Variants in PCDH7 observed in about 807,000 individuals in gnomAD.
PCDH7 encodes protocadherin 7.
Under a neutral mutation model 58.9 loss-of-function variants are expected in PCDH7, and 17 were observed. That is an observed-to-expected ratio of 0.29 (90% CI 0.20 to 0.43). The LOEUF (loss-of-function observed/expected upper bound fraction) is 0.43, where lower values mean the gene tolerates loss of function less well. PCDH7 is among the 20% of genes least tolerant of loss of function. PCDH7 has a pLI of 1.00. For missense variants in PCDH7, 1,274 were observed against 1,441.0 expected, an observed-to-expected ratio of 0.88 and a Z score of 1.88; for synonymous variants, 664 against 616.4, an observed-to-expected ratio of 1.08 and a Z score of -1.14.
intron 1 of PCDH7, among the ~76,000 whole-genome samples, chr4:30,796,090 C>A (rs1157971022): frequency 6.6e-6 from 1 of 152,084 alleles, no homozygotes; most frequent in East Asian, 1.9e-4. Flanking sequence ...TATGAGAAAT[C>A]CCTTTAAAAC....
At chr4:30,775,386 GGAGTGTGTGTGT>G in intron 1 of PCDH7, among the ~76,000 whole-genome samples, 1 of 152,152 alleles carries the variant, frequency 6.6e-6, no homozygotes, top group East Asian at 1.9e-4. Flanking sequence ...TATACAACTT[GGAGTGTGTGTGT>G]GAGTGTGTGT....
chr4:31,102,389 T>TA (rs1238797860), intron 3 of PCDH7, among the ~76,000 whole-genome samples: 47 of 152,174 alleles, frequency 3.1e-4, no homozygotes, highest in African/African-American at 1.1e-3. Context: ...ATATTGTAGA[T>TA]TTAACGTGAA....
intron 3 of PCDH7, among the ~76,000 whole-genome samples, chr4:31,074,455 T>A (rs1023644273): frequency 6.6e-6 from 1 of 151,902 alleles, no homozygotes; most frequent in Non-Finnish European, 1.5e-5. Context: ...TGTGTCTTAG[T>A]CCCCTCTACA....
At chr4:30,992,084 A>G (rs1001033674) in intron 3 of PCDH7, among the ~76,000 whole-genome samples, 1 of 152,166 alleles carries the variant, frequency 6.6e-6, no homozygotes, top group African/African-American at 2.4e-5. Context: ...CAGTTTCCTT[A>G]TCAAAAAACA....
intron 1 of PCDH7, among the ~76,000 whole-genome samples, chr4:30,873,166 T>C (rs1578123612): frequency 6.6e-6 from 1 of 152,054 alleles, no homozygotes; most frequent in Non-Finnish European, 1.5e-5. Context: ...TCTGCTCAAC[T>C]GGGGAGAACA....
intron 1 of PCDH7, among the ~76,000 whole-genome samples, chr4:30,730,256 G>GC (rs764011202): frequency 4.6e-5 from 7 of 151,908 alleles, no homozygotes; most frequent in Non-Finnish European, 8.8e-5. Flanking sequence ...AATAGTAAGA[G>GC]CTGTTCCCAT....
chr4:30,928,522 C>T (rs565635423), intron 2 of PCDH7, among the ~76,000 whole-genome samples: 3 of 152,164 alleles, frequency 2.0e-5, no homozygotes, highest in East Asian at 3.9e-4. Context: ...GAAAGAATCT[C>T]GGCCTTTAAG....
intron 3 of PCDH7, among the ~76,000 whole-genome samples, chr4:31,041,107 A>G (rs908345734): frequency 1.3e-5 from 2 of 152,056 alleles, no homozygotes; most frequent in African/African-American, 4.8e-5. Context: ...TGGAACATCA[A>G]CTCTATAAGG....
chr4:30,943,579 T>C (rs754293531), intron 2 of PCDH7, among the ~76,000 whole-genome samples: 7 of 152,140 alleles, frequency 4.6e-5, no homozygotes, highest in Non-Finnish European at 1.0e-4. Flanking sequence ...AGAGTGGTCT[T>C]AACCTCTTTC....
chr4:30,765,948 C>A (rs1307347040), intron 1 of PCDH7, among the ~76,000 whole-genome samples: 3 of 152,088 alleles, frequency 2.0e-5, no homozygotes, highest in Non-Finnish European at 4.4e-5. Flanking sequence ...ATCTAACCTG[C>A]ATATTTATAA....
At chr4:31,078,664 T>TTTTTTA (rs1759215511) in intron 3 of PCDH7, among the ~76,000 whole-genome samples, 1 of 125,104 alleles carries the variant, frequency 8.0e-6, no homozygotes, top group African/African-American at 2.7e-5. Flanking sequence ...TTTTTTTTTT[T>TTTTTTA]GCAATCAAAC....
intron 1 of PCDH7, among the ~76,000 whole-genome samples, chr4:30,883,120 C>T (rs187788830): frequency 4.3e-3 from 650 of 152,334 alleles, no homozygotes; most frequent in Non-Finnish European, 6.1e-3. Context: ...TATCCTTTCC[C>T]TGGACTATTT....
At chr4:31,045,426 A>T in intron 3 of PCDH7, among the ~76,000 whole-genome samples, 1 of 152,052 alleles carries the variant, frequency 6.6e-6, no homozygotes. Context: ...CCATTTCCGT[A>T]GTGAACATAA....
chr4:31,040,479 A>G (rs2109203201), intron 3 of PCDH7, among the ~76,000 whole-genome samples: 1 of 152,356 alleles, frequency 6.6e-6, no homozygotes, highest in East Asian at 1.9e-4. Flanking sequence ...TAAAATTTGT[A>G]CATGTACAAT....
At chr4:30,841,966 A>AT (rs1375441156) in intron 1 of PCDH7, among the ~76,000 whole-genome samples, 3 of 147,894 alleles carry the variant, frequency 2.0e-5, no homozygotes, top group East Asian at 1.9e-4. Context: ...AATATTATAT[A>AT]TTTTTTTAGG....
chr4:30,785,872 T>A (rs1723324370), intron 1 of PCDH7, among the ~76,000 whole-genome samples: 1 of 152,060 alleles, frequency 6.6e-6, no homozygotes, highest in Admixed American at 6.6e-5. Flanking sequence ...TATTATTATT[T>A]TTTGGCAATA....
chr4:30,932,572 C>A (rs557827332), intron 2 of PCDH7, among the ~76,000 whole-genome samples: 4 of 152,184 alleles, frequency 2.6e-5, no homozygotes, highest in Non-Finnish European at 5.9e-5. Flanking sequence ...CATTTAATCA[C>A]TCATATGTAT....
rs550853901 is a variant in PCDH7 at position 30,887,981 on chromosome 4, T to G, written c.71-32172T>G. Reference sequence around the variant, plus strand: ...ACCTCTGCCTCCCGGGTGCAAGCAATTCTTCTGCCTCAGCCTCCCGAGTAG... The same window carrying G: ...ACCTCTGCCTCCCGGGTGCAAGCAAGTCTTCTGCCTCAGCCTCCCGAGTAG... On this transcript the variant is annotated intron_variant, in intron 1 of 3. Transcript: ENST00000509759. Among the ~76,000 whole-genome samples the G allele has an allele frequency of 2.0e-5, 3 of 152,012 alleles. No homozygotes were observed. The South Asian group carries it at 6.2e-4, about 32-fold the overall frequency.
intron 3 of PCDH7, among the ~76,000 whole-genome samples, chr4:30,979,572 C>T (rs1180158904): frequency 6.6e-6 from 1 of 151,440 alleles, no homozygotes; most frequent in African/African-American, 2.4e-5. Flanking sequence ...CCATGTCATA[C>T]CAGAAATTTT....
Sources: gnomAD v4.1 joint callset for allele counts (sites outside exome capture counted in the v4.1 genomes callset) on GRCh38, gnomAD v4.1.1 for gene constraint, MANE v1.5 for transcripts, NCBI Gene and HGNC (gene_info 2026-07-23, HGNC 2026-07-21) for gene names.